Variants in MGAT4C observed in about 807,000 individuals in gnomAD.
The protein encoded by MGAT4C is MGAT4 family member C, also known as alpha-1,3-mannosyl-glycoprotein 4-beta-N-acetylglucosaminyltransferase C.
A neutral mutation model predicts 40.1 loss-of-function variants in MGAT4C; 19 were observed. That is an observed-to-expected ratio of 0.47 (90% CI 0.33 to 0.70). The LOEUF (loss-of-function observed/expected upper bound fraction) is 0.70. MGAT4C is among the 30% of genes least tolerant of loss of function. The pLI is 0.02. For synonymous variants in MGAT4C, 181 were observed against 187.1 expected, an observed-to-expected ratio of 0.97 and a Z score of 0.27; for missense variants, 491 against 563.2, an observed-to-expected ratio of 0.87 and a Z score of 1.30.
intron 2 of MGAT4C, among the ~76,000 whole-genome samples, chr12:86,023,575 A>AATATATTAT (rs1479256284): frequency 6.7e-6 from 1 of 148,242 alleles, no homozygotes; most frequent in Non-Finnish European, 1.5e-5. Flanking sequence ...AGAATCACGA[A>AATATATTAT]ATATATTATA....
chr12:86,258,982 T>C (rs1427337291), upstream of MGAT4C, among the ~76,000 whole-genome samples: 3 of 151,972 alleles, frequency 2.0e-5, no homozygotes, highest in Non-Finnish European at 4.4e-5. Flanking sequence ...AGAATTTATA[T>C]TTTAGTTTTA....
chr12:86,069,423 T>C (rs1237539664), intron 1 of MGAT4C, among the ~76,000 whole-genome samples: 1 of 152,158 alleles, frequency 6.6e-6, no homozygotes, highest in African/African-American at 2.4e-5. Context: ...AATTAAAATA[T>C]ATGTGTGAGT....
Position 85,958,035 on chromosome 12 carries a change from TTTTG to T in MGAT4C, c.*21250_*21253del, listed in dbSNP as rs1288551070. 1 of 122,714 alleles carries T rather than the reference TTTTG, an allele frequency of 8.1e-6. No homozygotes were observed. The highest frequency in any genetic ancestry group is 2.1e-4 in the East Asian group (1 of 4,868). The allele number at this position is 122,714 out of a possible 1,614,324, so 7.6% of individuals were successfully genotyped here. A position where few individuals can be genotyped will look rare whatever the true frequency, so the allele number is the denominator to read the frequency against. ...AATTGTTTACAGTTTTTCTAAGTGTTTTTGTGTGTGTGTGTGTGTGTGTGTGTGT... is the reference window on the plus strand; with the variant it reads ...AATTGTTTACAGTTTTTCTAAGTGTTTGTGTGTGTGTGTGTGTGTGTGTGT... On this transcript the variant is annotated 3_prime_UTR_variant, in exon 5 of 5. Coordinates refer to ENST00000611864, the MANE Select transcript of MGAT4C (RefSeq NM_001351288.2).
At chr12:86,228,674 T>C (rs984344180) in intron 1 of MGAT4C, among the ~76,000 whole-genome samples, 1 of 151,990 alleles carries the variant, frequency 6.6e-6, no homozygotes, top group East Asian at 1.9e-4. Flanking sequence ...AAAAAAAAAT[T>C]TCTTATGCTG....
At chr12:86,245,485 G>C (rs547908777) in intron 1 of MGAT4C, among the ~76,000 whole-genome samples, 39 of 152,230 alleles carry the variant, frequency 2.6e-4, no homozygotes, top group African/African-American at 9.4e-4. Context: ...AATTGTTTTT[G>C]GGTCTCTGTG....
At chr12:86,732,299 C>T (rs1950923892) in intron 1 of MGAT4C, among the ~76,000 whole-genome samples, 1 of 152,102 alleles carries the variant, frequency 6.6e-6, no homozygotes, top group South Asian at 2.1e-4. Context: ...GGACTGGTTT[C>T]GTGGAAAACA....
At chr12:86,578,194 T>TA (rs1229296026) in intron 2 of MGAT4C, among the ~76,000 whole-genome samples, 1 of 151,820 alleles carries the variant, frequency 6.6e-6, no homozygotes, top group Non-Finnish European at 1.5e-5. Flanking sequence ...GGGTGAATGC[T>TA]AATGCATAGG....
intron 1 of MGAT4C, among the ~76,000 whole-genome samples, chr12:86,742,587 T>C (rs1184069898): frequency 6.6e-6 from 1 of 151,484 alleles, no homozygotes; most frequent in Non-Finnish European, 1.5e-5. Flanking sequence ...TGATCCGGTT[T>C]AGTCTGTTTA....
intron 2 of MGAT4C, chr12:86,001,511 T>G: frequency 2.1e-6 from 1 of 465,474 alleles, no homozygotes; most frequent in South Asian, 9.2e-5. Flanking sequence ...GCTTTCGTCT[T>G]CACTTCTGGT....
intron 1 of MGAT4C, among the ~76,000 whole-genome samples, chr12:86,193,709 A>G (rs1016222106): frequency 1.3e-5 from 2 of 152,076 alleles, no homozygotes; most frequent in Non-Finnish European, 2.9e-5. Context: ...TCCATTGCTT[A>G]TGTTATAAAG....
At chr12:86,688,834 C>A (rs946836288) in intron 2 of MGAT4C, among the ~76,000 whole-genome samples, 1 of 152,066 alleles carries the variant, frequency 6.6e-6, no homozygotes, top group African/African-American at 2.4e-5. Context: ...GGGGGTTATT[C>A]TTCTCAAGGA....
chr12:86,208,848 T>C (rs1950354832), intron 1 of MGAT4C, among the ~76,000 whole-genome samples: 1 of 152,138 alleles, frequency 6.6e-6, no homozygotes, highest in Non-Finnish European at 1.5e-5. Flanking sequence ...TTACTCTCAA[T>C]TTAGATTTAC....
intron 2 of MGAT4C, among the ~76,000 whole-genome samples, chr12:86,446,888 A>G (rs1285603059): frequency 6.6e-6 from 1 of 151,572 alleles, no homozygotes; most frequent in Admixed American, 6.6e-5. Context: ...AAATATATAA[A>G]AATTGATATT....
chr12:86,585,306 T>G (rs1465383843), intron 2 of MGAT4C, among the ~76,000 whole-genome samples: 1 of 151,476 alleles, frequency 6.6e-6, no homozygotes, highest in African/African-American at 2.4e-5. Flanking sequence ...AAACTAAAAT[T>G]CCTACAGCCT....
At chr12:86,729,952 T>C (rs1160013125) in intron 1 of MGAT4C, among the ~76,000 whole-genome samples, 1 of 152,058 alleles carries the variant, frequency 6.6e-6, no homozygotes, top group African/African-American at 2.4e-5. Context: ...AAATCACTTC[T>C]CATTTTTTTG....
intron 1 of MGAT4C, among the ~76,000 whole-genome samples, chr12:86,791,584 C>T (rs2136193342): frequency 6.6e-6 from 1 of 152,098 alleles, no homozygotes; most frequent in East Asian, 1.9e-4. Context: ...ATTTTTGACA[C>T]ACAAATTCTA....
At chr12:86,216,541 T>G (rs924702859) in intron 1 of MGAT4C, among the ~76,000 whole-genome samples, 36 of 152,242 alleles carry the variant, frequency 2.4e-4, no homozygotes, top group African/African-American at 6.5e-4. Context: ...CATTTTTTAA[T>G]TAAAATGATA....
At chr12:86,217,171 A>G (rs746067568) in intron 1 of MGAT4C, among the ~76,000 whole-genome samples, 4 of 151,788 alleles carry the variant, frequency 2.6e-5, no homozygotes, top group Non-Finnish European at 5.9e-5. Flanking sequence ...TTTCTTATTT[A>G]TTTATTTATT....
rs1006367603 is a variant in MGAT4C at position 86,790,817 on chromosome 12, T to A, written c.-262+47849A>T. Among the ~76,000 whole-genome samples, 11 of 152,062 alleles carry A rather than the reference T, an allele frequency of 7.2e-5. 1 individual carries two copies. The South Asian group carries it at 2.1e-3, about 29-fold the overall frequency. ...CAAATTTTCTGACCCTAATCCTAAC[T>A]CTAGGTTCAGTTATAAAAAAATGGA... is the stretch of plus-strand genomic sequence containing the variant. On this transcript the variant is annotated intron_variant, in intron 1 of 7. Coordinates refer to the MGAT4C transcript ENST00000548651.
Sources: allele counts gnomAD v4.1 joint callset (sites outside exome capture counted in the v4.1 genomes callset), GRCh38; gene constraint gnomAD v4.1.1; transcripts MANE v1.5; gene names NCBI Gene and HGNC (gene_info 2026-07-23, HGNC 2026-07-21).